TUSC3: variants seen among roughly 807,000 people sequenced by gnomAD.
TUSC3 encodes dolichyl-diphosphooligosaccharide--protein glycosyltransferase subunit TUSC3.
TUSC3 carries 45 observed loss-of-function variants against 44.8 expected under a neutral mutation model. That is an observed-to-expected ratio of 1.00 (90% CI 0.79 to 1.29). TUSC3 has a LOEUF of 1.29. TUSC3 is among the 50% of genes most tolerant of loss of function. The pLI, the probability that TUSC3 is intolerant of heterozygous loss-of-function variation, is 0.00. For missense variants in TUSC3, 519 were observed against 437.9 expected (o/e 1.19, Z -1.65); for synonymous variants, 212 against 152.9 (o/e 1.39, Z -2.85).
chr8:15,430,217 C>T (rs947333710), intron 1 of TUSC3, among the ~76,000 whole-genome samples: 1 of 145,634 alleles, frequency 6.9e-6, no homozygotes, highest in Non-Finnish European at 1.5e-5. Context: ...AACATTGATG[C>T]AAAAATCCTC....
intron 1 of TUSC3, among the ~76,000 whole-genome samples, chr8:15,593,009 G>A (rs543696116): frequency 6.6e-6 from 1 of 152,190 alleles, no homozygotes; most frequent in East Asian, 1.9e-4. Flanking sequence ...AGGTTTGGGG[G>A]TATGAACATT....
chr8:15,624,096 T>TA (rs34329498), intron 2 of TUSC3, among the ~76,000 whole-genome samples: 1 of 152,222 alleles, frequency 6.6e-6, no homozygotes, highest in Non-Finnish European at 1.5e-5. Flanking sequence ...GTTTGGCTTT[T>TA]AAAAATCAGC....
chr8:15,689,855 T>C (rs1187207259), intron 6 of TUSC3, among the ~76,000 whole-genome samples: 1 of 60,728 alleles, frequency 1.6e-5, no homozygotes, highest in Admixed American at 2.7e-4. Flanking sequence ...TGTGTGTGTG[T>C]GTGTGTGTAT....
the TUSC3 span, among the ~76,000 whole-genome samples, chr8:15,832,087 G>A: frequency 1.3e-5 from 2 of 152,176 alleles, no homozygotes; most frequent in African/African-American, 4.8e-5. Context: ...CAGACTAACA[G>A]TGGATTGCTC....
At chr8:15,504,598 T>G (rs1801020558) in intron 2 of TUSC3, among the ~76,000 whole-genome samples, 2 of 39,166 alleles carry the variant, frequency 5.1e-5, no homozygotes, top group Admixed American at 2.5e-4. Flanking sequence ...TATATATATA[T>G]ATATATATAT....
At chr8:15,696,363 G>A (rs1809165140) in intron 6 of TUSC3, among the ~76,000 whole-genome samples, 1 of 152,168 alleles carries the variant, frequency 6.6e-6, no homozygotes, top group African/African-American at 2.4e-5. Flanking sequence ...GTCAAGAATT[G>A]AGGTTTGGGA....
At chr8:15,636,362 G>A (rs553293451) in intron 2 of TUSC3, among the ~76,000 whole-genome samples, 58 of 152,260 alleles carry the variant, frequency 3.8e-4, no homozygotes, top group African/African-American at 1.3e-3. Context: ...ATGTAAAACT[G>A]ATGGGTGGCC....
At position 15,658,427 on chromosome 8, in the gene TUSC3, T is replaced by C. The variant is rs146989145; in HGVS notation, c.427-1080T>C. 3.2e-3 allele frequency among the ~76,000 whole-genome samples: 484 copies of C among 152,236 alleles called. 2 individuals are homozygous for C. The highest frequency in any genetic ancestry group is 0.011 in the African/African-American group (471 of 41,550). ...ACTTGGTTATTAAACTTTGTTGTTA[T>C]GGGCAGCTAAGCTTTTACTGTTGTA... On this transcript the variant is annotated intron_variant, in intron 3 of 10. Coordinates refer to ENST00000503731, the MANE Select transcript of TUSC3 (RefSeq NM_006765.4).
downstream of TUSC3, among the ~76,000 whole-genome samples, chr8:15,767,352 A>G (rs1038914104): frequency 1.3e-5 from 2 of 151,970 alleles, no homozygotes; most frequent in East Asian, 1.9e-4. Context: ...ACATCTATCT[A>G]TTTCCATTAA....
intron 6 of TUSC3, among the ~76,000 whole-genome samples, chr8:15,700,557 G>T (rs1809353206): frequency 6.6e-6 from 1 of 152,138 alleles, no homozygotes; most frequent in Non-Finnish European, 1.5e-5. Flanking sequence ...AAGGCCATAT[G>T]CCTTGTTGAG....
chr8:15,641,547 T>A (rs1224435760), intron 2 of TUSC3, among the ~76,000 whole-genome samples: 1 of 152,164 alleles, frequency 6.6e-6, no homozygotes, highest in Non-Finnish European at 1.5e-5. Context: ...TTAAGCTAGA[T>A]GGTGGGTACC....
rs188122771 is a variant in TUSC3 at position 15,634,375 on chromosome 8, A to G, written c.308+11126A>G. ...CCGCAGGGAGTAGTTAGTTACTCCA[A>G]TCTGTTTTATTGACTATGCCACTAG... On this transcript the variant is annotated intron_variant, in intron 2 of 10. Coordinates refer to ENST00000503731, the MANE Select transcript of TUSC3 (RefSeq NM_006765.4). 6.6e-5 allele frequency among the ~76,000 whole-genome samples: 10 copies of G among 152,300 alleles called. No individual in the cohort carries two copies. The East Asian group carries it at 1.2e-3, about 18-fold the overall frequency.
intron 1 of TUSC3, among the ~76,000 whole-genome samples, chr8:15,587,877 A>G (rs1803663064): frequency 6.6e-6 from 1 of 152,082 alleles, no homozygotes; most frequent in Non-Finnish European, 1.5e-5. Flanking sequence ...GCTCATCCAT[A>G]TTGCTTCTAA....
At chr8:15,576,036 T>C (rs924358043) in intron 1 of TUSC3, among the ~76,000 whole-genome samples, 7 of 152,056 alleles carry the variant, frequency 4.6e-5, no homozygotes, top group South Asian at 4.2e-4. Context: ...CCTTTTGAAA[T>C]TTAGAAGTTA....
chr8:15,556,943 A>G (rs1802291424), intron 1 of TUSC3, among the ~76,000 whole-genome samples: 2 of 149,490 alleles, frequency 1.3e-5, no homozygotes, highest in African/African-American at 4.9e-5. Context: ...ATTTTCTCCC[A>G]TTTTGTAGGT....
At chr8:15,577,892 A>G (rs1394664075) in intron 1 of TUSC3, among the ~76,000 whole-genome samples, 3 of 150,702 alleles carry the variant, frequency 2.0e-5, no homozygotes, top group African/African-American at 2.5e-5. Context: ...TGAATCTGTA[A>G]ATTACCTTGG....
chr8:15,545,114 G>A (rs894832415), intron 1 of TUSC3, among the ~76,000 whole-genome samples: 2 of 151,608 alleles, frequency 1.3e-5, no homozygotes, highest in African/African-American at 2.4e-5. Context: ...CAGAGAGTTT[G>A]TCATATGCCT....
Position 15,550,753 on chromosome 8 carries a change from C to A in TUSC3, c.138+10185C>A, listed in dbSNP as rs889151371. Among the ~76,000 whole-genome samples the A allele has an allele frequency of 1.3e-5, 2 of 151,468 alleles. 1 individual carries two copies. The highest frequency in any genetic ancestry group is 2.9e-5 in the Non-Finnish European group (2 of 67,836). On this transcript the variant is annotated intron_variant, in intron 1 of 10. Transcript: ENST00000503731. The stretch of plus-strand genomic sequence containing the variant: ...GTGGCATGGTCTCATCTCACTGCAA[C>A]CTCTGCCTCCCGGGTTCAAGTGATT...
chr8:15,495,224 C>T (rs1174903092), intron 2 of TUSC3, among the ~76,000 whole-genome samples: 1 of 152,142 alleles, frequency 6.6e-6, no homozygotes, highest in Non-Finnish European at 1.5e-5. Context: ...CAATTTTTGC[C>T]ATCCCTCTCT....
Sources: allele counts gnomAD v4.1 joint callset (sites outside exome capture counted in the v4.1 genomes callset), GRCh38; gene constraint gnomAD v4.1.1; transcripts MANE v1.5; gene names NCBI Gene and HGNC (gene_info 2026-07-23, HGNC 2026-07-21).